The following TRDMT1 variants were observed in gnomAD, a reference collection of about 807,000 sequenced individuals.
TRDMT1 encodes the protein tRNA (cytosine(38)-C(5))-methyltransferase.
In TRDMT1, 49 loss-of-function variants were observed where a neutral mutation model predicts 51.2. That is an observed-to-expected ratio of 0.96 (90% CI 0.76 to 1.21). The LOEUF (loss-of-function observed/expected upper bound fraction) is 1.21, where lower values mean the gene tolerates loss of function less well. TRDMT1 is among the 50% of genes most tolerant of loss of function. TRDMT1 has a pLI of 0.00. For missense variants in TRDMT1, 534 were observed against 462.3 expected (o/e 1.16, Z -1.42); for synonymous variants, 187 against 164.6 (o/e 1.14, Z -1.04).
chr10:17,200,870 T>C (rs748884792), intron 1 of TRDMT1, among the ~76,000 whole-genome samples: 3 of 152,188 alleles, frequency 2.0e-5, no homozygotes, highest in Non-Finnish European at 4.4e-5. Flanking sequence ...TATCAGGCAC[T>C]AACAAGCACT....
In TRDMT1 at chr10:17,140,680, G is replaced by T. The variant is rs547862496; in HGVS notation, c.*8360C>A. Among the ~76,000 whole-genome samples, 11 of 152,010 alleles carry T rather than the reference G, an allele frequency of 7.2e-5. No individual in the cohort carries two copies. Among genetic ancestry groups the T allele is most frequent in the African/African-American group, 2.7e-4 (11 of 41,472 alleles). On this transcript the variant is annotated 3_prime_UTR_variant, in exon 11 of 11. Transcript: ENST00000377799. ...TTGAAACTGAGTGTTTTGAAAGAAA[G>T]AACATTTTAAATGATAAAACTAATA...
At chr10:17,177,727 C>CAT (rs1283770717) in intron 1 of TRDMT1, among the ~76,000 whole-genome samples, 2 of 147,208 alleles carry the variant, frequency 1.4e-5, no homozygotes, top group African/African-American at 5.0e-5. Flanking sequence ...CACACACACA[C>CAT]ACACACACAC....
rs758379628 is a variant in TRDMT1 at position 17,168,878 on chromosome 10, T to C, written c.214A>G (p.Met72Val). The C allele has an allele frequency of 6.2e-7, 1 of 1,612,876 alleles. No individual in the cohort carries two copies. The highest frequency in any genetic ancestry group is 2.2e-5 in the East Asian group (1 of 44,840). Reference sequence around the variant, plus strand: ...TGGCAGGGAGGGCTCATTAAAATCATATCAAAAGATAATCTGTCAAACTCT... The same window carrying C: ...TGGCAGGGAGGGCTCATTAAAATCACATCAAAAGATAATCTGTCAAACTCT... ...LEEFDRLSFD[M>V]ILMSPPCQPF... Residue 72 changes from methionine (M) to valine (V), a missense_variant, in exon 3 of 11, where the codon ATG becomes GTG. Coordinates refer to ENST00000377799, the MANE Select transcript of TRDMT1 (RefSeq NM_004412.7).
chr10:17,180,136 A>C (rs1024196781), intron 1 of TRDMT1, among the ~76,000 whole-genome samples: 3 of 152,216 alleles, frequency 2.0e-5, no homozygotes, highest in African/African-American at 7.2e-5. Flanking sequence ...GATACAAGAG[A>C]AATGCTCTTT....
At chr10:17,186,584 T>C (rs906178267) in intron 1 of TRDMT1, among the ~76,000 whole-genome samples, 5 of 152,168 alleles carry the variant, frequency 3.3e-5, no homozygotes, top group Non-Finnish European at 7.3e-5. Flanking sequence ...TGTTGATAAC[T>C]TGATTTTAAG....
chr10:17,180,032 A>C (rs1026756701), intron 1 of TRDMT1, among the ~76,000 whole-genome samples: 2 of 152,186 alleles, frequency 1.3e-5, no homozygotes. Flanking sequence ...TTAAGTAAGA[A>C]GTATAGGTCT....
In TRDMT1 at chr10:17,148,380, G is replaced by C. The variant is rs1185504229; in HGVS notation, c.*660C>G. ...TAAAGGAAAGTACATACAAAATGAA[G>C]AAGGAAAAATGAGTTTTGTCCTTCA... On this transcript the variant is annotated 3_prime_UTR_variant, in exon 11 of 11. Transcript: ENST00000377799. 5.1e-6 allele frequency: 5 copies of C among 985,258 alleles called. No individual in the cohort carries two copies. In the African/African-American group the frequency reaches 8.7e-5, roughly 17 times the overall value. The allele number at this position is 985,258 out of a possible 1,614,324, so 61.0% of individuals were successfully genotyped here.
At chr10:17,171,075 T>C (rs545910421) in intron 2 of TRDMT1, among the ~76,000 whole-genome samples, 1 of 151,930 alleles carries the variant, frequency 6.6e-6, no homozygotes, top group Admixed American at 6.6e-5. Flanking sequence ...GAGAATACTT[T>C]TAAAGTTTCA....
intron 3 of TRDMT1, among the ~76,000 whole-genome samples, chr10:17,167,559 C>T (rs912041463): frequency 6.6e-6 from 1 of 152,008 alleles, no homozygotes; most frequent in African/African-American, 2.4e-5. Flanking sequence ...TTAAAAATAT[C>T]TAAATGAAAA....
At chr10:17,169,059 C>T (rs1841613052) in intron 2 of TRDMT1, 142 bp from the exon 3 acceptor site, 1 of 653,438 alleles carries the variant, frequency 1.5e-6, no homozygotes, top group East Asian at 2.9e-5. Context: ...CTTTGGTTAA[C>T]TAACTTCTCA....
At chr10:17,151,883 C>T (rs1344123168) in intron 10 of TRDMT1, 2 of 1,060,820 alleles carry the variant, frequency 1.9e-6, no homozygotes, top group African/African-American at 1.7e-5. Context: ...CCTCATTTTA[C>T]AGAGAAGTAA....
In TRDMT1 at chr10:17,175,332, T is replaced by C. The variant is rs558952430; in HGVS notation, c.65-672A>G. On this transcript the variant is annotated intron_variant, in intron 1 of 10. Coordinates refer to ENST00000377799, the MANE Select transcript of TRDMT1 (RefSeq NM_004412.7). ...TAAAGGAATGCCTTCACTGCCCTTC[T>C]GTCTTGCTGGTGAAGAAAACCATTT... 7.2e-5 allele frequency among the ~76,000 whole-genome samples: 11 copies of C among 152,356 alleles called. No individual in the cohort carries two copies. The South Asian group carries it at 2.3e-3, about 32-fold the overall frequency.
intron 1 of TRDMT1, among the ~76,000 whole-genome samples, chr10:17,186,851 A>T (rs1844002658): frequency 1.3e-5 from 2 of 152,220 alleles, no homozygotes; most frequent in South Asian, 4.1e-4. Flanking sequence ...ACAACCATTA[A>T]AAGTTTATAA....
At position 17,143,096 on chromosome 10, in the gene TRDMT1, G is replaced by A. The variant is rs1588679073; in HGVS notation, c.*5944C>T. The stretch of plus-strand genomic sequence containing the variant: ...TTGAGTAACTTTGGCTGTTCCTCTG[G>A]GCATGGAAGAAGTGGCAGTAACAGA... On this transcript the variant is annotated 3_prime_UTR_variant, in exon 11 of 11. Transcript: ENST00000377799. The A allele has an allele frequency of 1.0e-6, 1 of 985,328 alleles. No homozygotes were observed. The highest frequency in any genetic ancestry group is 1.1e-4 in the East Asian group (1 of 8,812). The allele number at this position is 985,328 out of a possible 1,614,324, so 61.0% of individuals were successfully genotyped here. A position where few individuals can be genotyped will look rare whatever the true frequency, so the allele number is the denominator to read the frequency against.
rs957424209 is a variant in TRDMT1 at position 17,151,245 on chromosome 10, G to C, written c.1076-2105C>G. The C allele has an allele frequency of 6.3e-6, 6 of 945,042 alleles. No homozygotes were observed. In the Admixed American group the frequency reaches 3.7e-4, roughly 58 times the overall value. The allele number at this position is 945,042 out of a possible 1,614,324, so 58.5% of individuals were successfully genotyped here. A position where few individuals can be genotyped will look rare whatever the true frequency, so the allele number is the denominator to read the frequency against. ...AATGACATAATTTTTTAAGTTAAAA[G>C]ACAACTTTTAAAAAACTTAGATACA... On this transcript the variant is annotated intron_variant, in intron 10 of 10. Transcript: ENST00000377799.
intron 2 of TRDMT1, 72 bp downstream of exon 2, chr10:17,174,479 C>T (rs1378059186): frequency 9.9e-7 from 1 of 1,007,472 alleles, no homozygotes; most frequent in Non-Finnish European, 1.5e-6. Flanking sequence ...ACAACGGAAA[C>T]CAGTATTAGG....
In TRDMT1 at chr10:17,137,955, T is replaced by C. The variant is rs1053804843; in HGVS notation, c.*11085A>G. Among the ~76,000 whole-genome samples, 4 of 152,194 alleles carry C rather than the reference T, an allele frequency of 2.6e-5. No homozygotes were observed. Among genetic ancestry groups the C allele is most frequent in the African/African-American group, 9.7e-5 (4 of 41,440 alleles). Reference sequence around the variant, plus strand: ...AGTGGCAGGTTAAAGAATGTTGATTTAATCTTTTTAATAGGGGGATGTTCT... The same window carrying C: ...AGTGGCAGGTTAAAGAATGTTGATTCAATCTTTTTAATAGGGGGATGTTCT... On this transcript the variant is annotated 3_prime_UTR_variant, in exon 11 of 11. Coordinates refer to ENST00000377799, the MANE Select transcript of TRDMT1 (RefSeq NM_004412.7).
intron 10 of TRDMT1, chr10:17,151,617 T>C (rs1838750432): frequency 4.6e-5 from 45 of 985,086 alleles, no homozygotes; most frequent in Non-Finnish European, 5.2e-5. Flanking sequence ...GGTTCAGTAA[T>C]TTCAAAGGCT....
intron 1 of TRDMT1, among the ~76,000 whole-genome samples, chr10:17,176,936 G>C (rs1842691159): frequency 6.6e-6 from 1 of 152,020 alleles, no homozygotes; most frequent in Non-Finnish European, 1.5e-5. Flanking sequence ...GCCTATGTGA[G>C]CTCCATCACT....
Sources: gnomAD v4.1 joint callset for allele counts (sites outside exome capture counted in the v4.1 genomes callset) on GRCh38, gnomAD v4.1.1 for gene constraint, MANE v1.5 for transcripts, NCBI Gene and HGNC (gene_info 2026-07-23, HGNC 2026-07-21) for gene names.